Variants in EXT2 observed in about 807,000 individuals in gnomAD.
The protein encoded by EXT2 is exostosin-2.
Under a neutral mutation model 81.6 loss-of-function variants are expected in EXT2, and 53 were observed. The ratio of observed to expected loss-of-function variants is 0.65; its 90% confidence interval spans 0.52 to 0.82. EXT2 has a LOEUF of 0.82. Among genes scored for constraint, EXT2 ranks in the 40% least tolerant of loss-of-function variants. The probability of loss-of-function intolerance (pLI) is 0.00; values close to 1 mark genes in which losing one functional copy is unlikely to be tolerated. For synonymous variants in EXT2, 320 were observed against 340.0 expected (o/e 0.94, Z 0.65); for missense variants, 774 against 910.2 (o/e 0.85, Z 1.93).
intron 8 of EXT2, among the ~76,000 whole-genome samples, chr11:44,173,629 C>T (rs1343147439): frequency 6.6e-5 from 9 of 136,222 alleles, no homozygotes; most frequent in African/African-American, 1.9e-4. Flanking sequence ...AGTGCAGTAG[C>T]GCAATGCCGG....
chr11:44,096,265 T>C (rs1953894203), intron 1 of EXT2: 2 of 1,535,618 alleles, frequency 1.3e-6, no homozygotes, highest in Admixed American at 2.0e-5. Flanking sequence ...GTCCTGCGCC[T>C]CAGGGTCCGG....
intron 8 of EXT2, among the ~76,000 whole-genome samples, chr11:44,194,528 T>C (rs1955433104): frequency 6.6e-6 from 1 of 152,216 alleles, no homozygotes; most frequent in African/African-American, 2.4e-5. Context: ...ACCATTACCG[T>C]CTGGTGTTCT....
At chr11:44,183,257 T>C in intron 8 of EXT2, among the ~76,000 whole-genome samples, 1 of 152,198 alleles carries the variant, frequency 6.6e-6, no homozygotes, top group Non-Finnish European at 1.5e-5. Context: ...TCTTGTGGGG[T>C]ACTACTTTGA....
chr11:44,204,226 CT>C (rs1349791095), intron 9 of EXT2, among the ~76,000 whole-genome samples: 1 of 152,158 alleles, frequency 6.6e-6, no homozygotes. Flanking sequence ...TTTCCCACTT[CT>C]TTTATTCTCT....
intron 7 of EXT2, among the ~76,000 whole-genome samples, chr11:44,157,195 A>C (rs1954866728): frequency 6.6e-6 from 1 of 152,196 alleles, no homozygotes; most frequent in South Asian, 2.1e-4. Flanking sequence ...TGAGCACAGC[A>C]CTGGATCTTT....
chr11:44,146,964 C>G (rs143260630), intron 7 of EXT2, among the ~76,000 whole-genome samples: 34 of 152,300 alleles, frequency 2.2e-4, no homozygotes, highest in African/African-American at 7.9e-4. Context: ...TTACATCACT[C>G]AAGATGGTTG....
intron 7 of EXT2, among the ~76,000 whole-genome samples, chr11:44,135,102 C>T (rs1361815512): frequency 6.6e-6 from 1 of 152,176 alleles, no homozygotes; most frequent in Non-Finnish European, 1.5e-5. Context: ...GAAAATAAAA[C>T]CTCTAGACTA....
chr11:44,109,323 A>G lies in EXT2; in HGVS notation c.626+40A>G, dbSNP rs368720485. On this transcript the variant is annotated intron_variant, in intron 3 of 13. Coordinates refer to ENST00000533608, the MANE Select transcript of EXT2 (RefSeq NM_207122.2). ...TGGGGCTGTCCTTATGATGGGTTCA[A>G]GATCATTTTGTTCATGTGAAATTAT... is the stretch of plus-strand genomic sequence containing the variant. 2.0e-4 allele frequency: 306 copies of G among 1,518,726 alleles called. No homozygotes were observed. The African/African-American group carries it at 4.0e-3, about 20-fold the overall frequency. The allele number at this position is 1,518,726 out of a possible 1,614,324, so 94.1% of individuals were successfully genotyped here.
intron 7 of EXT2, chr11:44,144,147 C>T (rs1407775101): frequency 1.0e-6 from 1 of 995,664 alleles, no homozygotes; most frequent in African/African-American, 1.6e-5. Context: ...AAAATCTCGC[C>T]CCAGGCAGAT....
At chr11:44,182,706 A>G (rs1039088756) in intron 8 of EXT2, among the ~76,000 whole-genome samples, 1 of 152,130 alleles carries the variant, frequency 6.6e-6, no homozygotes, top group African/African-American at 2.4e-5. Flanking sequence ...TGCAGATATA[A>G]TGCACCTTTA....
chr11:44,232,164 C>A (rs2135258944), intron 10 of EXT2, among the ~76,000 whole-genome samples, 189 bp from the exon 11 acceptor site: 1 of 152,294 alleles, frequency 6.6e-6, no homozygotes, highest in Middle Eastern at 3.4e-3. Flanking sequence ...TCAGAATCAG[C>A]ATCTGTCTTT....
chr11:44,204,003 G>T (rs1454960553), intron 9 of EXT2, among the ~76,000 whole-genome samples: 1 of 152,190 alleles, frequency 6.6e-6, no homozygotes, highest in African/African-American at 2.4e-5. Context: ...AGAAAGCCTG[G>T]ATACAGATGC....
At chr11:44,160,851 A>G (rs1180451004) in intron 7 of EXT2, among the ~76,000 whole-genome samples, 1 of 152,158 alleles carries the variant, frequency 6.6e-6, no homozygotes, top group Non-Finnish European at 1.5e-5. Flanking sequence ...CTTGCTTATT[A>G]GTTCTGATAG....
intron 4 of EXT2, among the ~76,000 whole-genome samples, chr11:44,120,995 A>T (rs1954307754): frequency 6.6e-6 from 1 of 152,252 alleles, no homozygotes; most frequent in African/African-American, 2.4e-5. Flanking sequence ...GTTGGTTTAA[A>T]ACTAAAATGA....
At chr11:44,228,483 C>T (rs550368695) in intron 10 of EXT2, among the ~76,000 whole-genome samples, 10 of 152,280 alleles carry the variant, frequency 6.6e-5, no homozygotes, top group East Asian at 1.9e-4. Context: ...TATACATAAT[C>T]GACTTCGTAC....
Position 44,232,460 on chromosome 11 carries a change from G to A in EXT2, c.1770G>A (p.Val590=). ...ATGAGTCTGAGTGGACGAATGAAGT[G>A]TCCATGGTGCTCACTGGGGCAGCTT... ...WKYESEWTNE[V]SMVLTGAAFY... The change falls in exon 11 of 14, where the codon GTG becomes GTA. Residue 590 remains valine, a synonymous_variant. Transcript: ENST00000533608. The A allele has an allele frequency of 6.2e-7, 1 of 1,614,048 alleles. No homozygotes were observed. Among genetic ancestry groups the A allele is most frequent in the South Asian group, 1.1e-5 (1 of 91,080 alleles).
Position 44,107,898 on chromosome 11 carries a change from C to T in EXT2, c.186C>T (p.Ser62=), listed in dbSNP as rs535164200. 34 of 1,614,248 alleles carry T rather than the reference C, an allele frequency of 2.1e-5. No individual in the cohort carries two copies. In the South Asian group the frequency reaches 3.2e-4, roughly 15 times the overall value. The change falls in exon 2 of 14, where the codon AGC becomes AGT. Residue 62 remains serine, a synonymous_variant. Coordinates refer to ENST00000533608, the MANE Select transcript of EXT2 (RefSeq NM_207122.2). ...SSNDWNVEKR[S]IRDVPVVRLP... ...ATGACTGGAATGTAGAGAAGCGCAG[C>T]ATCCGTGATGTGCCGGTTGTTAGGC...
In EXT2 at chr11:44,241,318, T is replaced by C. The variant is rs1290448295; in HGVS notation, c.2019-2831T>C. Among the ~76,000 whole-genome samples the C allele has an allele frequency of 2.0e-5, 3 of 152,222 alleles. No individual in the cohort carries two copies. In the East Asian group the frequency reaches 5.8e-4, roughly 29 times the overall value. ...GTATTTTGAATTAGGCTAATCTTTA[T>C]TCAAATGATGAGTTTGCCACACTTA... On this transcript the variant is annotated intron_variant, in intron 13 of 13. Coordinates refer to ENST00000533608, the MANE Select transcript of EXT2 (RefSeq NM_207122.2).
intron 7 of EXT2, among the ~76,000 whole-genome samples, chr11:44,148,413 T>TTTA (rs1954749549): frequency 6.6e-6 from 1 of 152,182 alleles, no homozygotes. Flanking sequence ...AAAGTTGAAC[T>TTTA]TTATGGAGCA....
Sources: allele counts gnomAD v4.1 joint callset (sites outside exome capture counted in the v4.1 genomes callset), GRCh38; gene constraint gnomAD v4.1.1; transcripts MANE v1.5; gene names NCBI Gene and HGNC (gene_info 2026-07-23, HGNC 2026-07-21).